The following FCF1 variants were observed in gnomAD, a reference collection of about 807,000 sequenced individuals.
FCF1 encodes the protein FCF1 rRNA-processing protein, also known as rRNA-processing protein FCF1 homolog.
A neutral mutation model predicts 32.5 loss-of-function variants in FCF1; 17 were observed. That is an observed-to-expected ratio of 0.52 (90% CI 0.36 to 0.78). The LOEUF (loss-of-function observed/expected upper bound fraction) is 0.78, where lower values mean the gene tolerates loss of function less well. FCF1 is among the 30% of genes least tolerant of loss of function. The pLI is 0.00. For missense variants in FCF1, 201 were observed against 241.1 expected, an observed-to-expected ratio of 0.83 and a Z score of 1.10; for synonymous variants, 84 against 78.4, an observed-to-expected ratio of 1.07 and a Z score of -0.38.
intron 4 of FCF1, among the ~76,000 whole-genome samples, chr14:74,722,385 C>T (rs1240934890): frequency 1.3e-5 from 2 of 152,134 alleles, no homozygotes; most frequent in Admixed American, 1.3e-4. Context: ...CTTTGCCACT[C>T]TTCTAGGTGC....
At chr14:74,720,322 A>G (rs944171123) in intron 4 of FCF1, among the ~76,000 whole-genome samples, 6 of 152,160 alleles carry the variant, frequency 3.9e-5, no homozygotes, top group African/African-American at 1.4e-4. Flanking sequence ...TATCCCAGGA[A>G]GAAACCTGGA....
At chr14:74,734,197 A>G (rs762686814) in intron 7 of FCF1, 27 bp downstream of exon 7, 1 of 1,280,174 alleles carries the variant, frequency 7.8e-7, no homozygotes, top group Non-Finnish European at 1.1e-6. Context: ...GGAGAAGGGA[A>G]TAGAAATATA....
chr14:74,717,552 A>G (rs1466402542), intron 4 of FCF1, among the ~76,000 whole-genome samples: 7 of 152,240 alleles, frequency 4.6e-5, no homozygotes, highest in East Asian at 1.9e-4. Context: ...AGCTATATAC[A>G]TAAACTTTTG....
At position 74,736,633 on chromosome 14, in the gene FCF1, A is replaced by G. The variant is rs1233497554; in HGVS notation, c.*1703A>G. The G allele has an allele frequency of 6.6e-6, 1 of 152,178 alleles. No homozygotes were observed. Among genetic ancestry groups the G allele is most frequent in the African/African-American group, 2.4e-5 (1 of 41,436 alleles). 9.4% of individuals were successfully genotyped at this position (152,178 alleles called of 1,614,324 possible). A position where few individuals can be genotyped will look rare whatever the true frequency, so the allele number is the denominator to read the frequency against. On this transcript the variant is annotated 3_prime_UTR_variant, in exon 8 of 8. Coordinates refer to ENST00000341162, the MANE Select transcript of FCF1 (RefSeq NM_015962.5). Reference sequence around the variant, plus strand: ...TTCCATATTGTATCCACAATTTATGATATCACTTTGTAACCCATACATTTA... The same window carrying G: ...TTCCATATTGTATCCACAATTTATGGTATCACTTTGTAACCCATACATTTA...
At position 74,716,797 on chromosome 14, in the gene FCF1, C is replaced by T. The variant is rs541628082; in HGVS notation, c.292+698C>T. Reference sequence around the variant, plus strand: ...TTTTTCAGTCACCCGGTTAGAGGTACGAATGAAAATTAGACTTAAACTTTG... The same window carrying T: ...TTTTTCAGTCACCCGGTTAGAGGTATGAATGAAAATTAGACTTAAACTTTG... On this transcript the variant is annotated intron_variant, in intron 4 of 7. Transcript: ENST00000341162. 8.6e-5 allele frequency among the ~76,000 whole-genome samples: 13 copies of T among 151,980 alleles called. No individual in the cohort carries two copies. The East Asian group carries it at 1.7e-3, about 20-fold the overall frequency.
At chr14:74,734,587 T>C (rs1434276906) in intron 7 of FCF1, among the ~76,000 whole-genome samples, 1 of 152,194 alleles carries the variant, frequency 6.6e-6, no homozygotes, top group African/African-American at 2.4e-5. Flanking sequence ...TTTCCAGCTT[T>C]TCAGCTTGAG....
chr14:74,734,371 ATTG>A lies in FCF1; in HGVS notation c.548+204_548+206del, dbSNP rs530327150. ...TTTAAGGAATGAGGCAAACATTTAAATTGTTAGAGTAAGATTACTGGAAGAAAT... is the reference window on the plus strand; with the variant it reads ...TTTAAGGAATGAGGCAAACATTTAAATTAGAGTAAGATTACTGGAAGAAAT... On this transcript the variant is annotated intron_variant, in intron 7 of 7. Transcript: ENST00000341162. Among the ~76,000 whole-genome samples the A allele has an allele frequency of 4.2e-3, 638 of 151,600 alleles. 3 individuals carry two copies. Among genetic ancestry groups the A allele is most frequent in the Non-Finnish European group, 7.6e-3 (514 of 67,874 alleles).
At chr14:74,713,705 A>G (rs1346236616) in intron 2 of FCF1, 153 bp downstream of exon 2, 2 of 662,388 alleles carry the variant, frequency 3.0e-6, no homozygotes, top group Non-Finnish European at 5.3e-6. Flanking sequence ...ACAGTAATTT[A>G]GCTGCTGAGC....
At chr14:74,714,844 TG>T in intron 2 of FCF1, 27 bp from the exon 3 acceptor site, 1 of 1,536,724 alleles carries the variant, frequency 6.5e-7, no homozygotes, top group Non-Finnish European at 8.7e-7. Context: ...TCTTCTCCCT[TG>T]GATTTAATTT....
At chr14:74,719,806 C>T (rs558851871) in intron 4 of FCF1, among the ~76,000 whole-genome samples, 1 of 152,128 alleles carries the variant, frequency 6.6e-6, no homozygotes, top group East Asian at 1.9e-4. Context: ...TGCATTTCCT[C>T]AAAGGAGCAA....
intron 7 of FCF1, 57 bp downstream of exon 7, chr14:74,734,227 A>G (rs2090676339): frequency 1.3e-5 from 13 of 1,008,456 alleles, no homozygotes; most frequent in Non-Finnish European, 1.9e-5. Context: ...TCAATTGAAA[A>G]TGAGGATAAG....
intron 4 of FCF1, among the ~76,000 whole-genome samples, chr14:74,721,423 G>A (rs532471655): frequency 4.6e-5 from 7 of 152,236 alleles, no homozygotes; most frequent in Admixed American, 6.5e-5. Context: ...ATGTATGGCC[G>A]GGCACGGTGG....
intron 5 of FCF1, among the ~76,000 whole-genome samples, chr14:74,729,624 T>C (rs2090609911): frequency 6.6e-6 from 1 of 152,176 alleles, no homozygotes. Flanking sequence ...CTGATTTTAG[T>C]TATTTCTTGA....
chr14:74,727,845 C>T (rs2090593724), intron 5 of FCF1, among the ~76,000 whole-genome samples: 1 of 152,088 alleles, frequency 6.6e-6, no homozygotes, highest in Admixed American at 6.6e-5. Flanking sequence ...GTTTTCCCAG[C>T]ACCATTTATT....
intron 2 of FCF1, 61 bp downstream of exon 2, chr14:74,713,613 G>A: frequency 7.0e-7 from 1 of 1,431,656 alleles, no homozygotes. Context: ...AGGATAAGTA[G>A]TAAAAATGTT....
At chr14:74,721,399 T>C (rs1439568166) in intron 4 of FCF1, among the ~76,000 whole-genome samples, 1 of 152,166 alleles carries the variant, frequency 6.6e-6, no homozygotes, top group Non-Finnish European at 1.5e-5. Flanking sequence ...GGCCAGGAAT[T>C]CTTTTTTAAA....
chr14:74,713,445 G>C, intron 1 of FCF1, 40 bp from the exon 2 acceptor site: 1 of 1,596,862 alleles, frequency 6.3e-7, no homozygotes. Context: ...AAGATGCCGT[G>C]TGTTTCCAAC....
intron 4 of FCF1, among the ~76,000 whole-genome samples, chr14:74,719,215 A>C (rs2090464852): frequency 6.7e-6 from 1 of 149,062 alleles, no homozygotes; most frequent in Non-Finnish European, 1.5e-5. Context: ...GGATCACTTG[A>C]GCCTGGGAGG....
intron 5 of FCF1, among the ~76,000 whole-genome samples, chr14:74,725,764 C>G (rs2090569887): frequency 1.3e-5 from 2 of 151,922 alleles, no homozygotes; most frequent in Non-Finnish European, 2.9e-5. Context: ...GAAACCCTGT[C>G]TCTACTAAAA....
Sources: gnomAD v4.1 joint callset for allele counts (sites outside exome capture counted in the v4.1 genomes callset) on GRCh38, gnomAD v4.1.1 for gene constraint, MANE v1.5 for transcripts, NCBI Gene and HGNC (gene_info 2026-07-23, HGNC 2026-07-21) for gene names.